NR3C2: variants seen among roughly 807,000 people sequenced by gnomAD.
NR3C2 encodes the protein mineralocorticoid receptor.
A neutral mutation model predicts 86.4 loss-of-function variants in NR3C2; 15 were observed. The ratio of observed to expected loss-of-function variants is 0.17; its 90% CI spans 0.12 to 0.27. The LOEUF (loss-of-function observed/expected upper bound fraction) is 0.27, where lower values mean the gene tolerates loss of function less well. Ranked by LOEUF, NR3C2 falls within the 10% of genes least tolerant of loss-of-function variation. NR3C2 has a pLI of 1.00. For missense variants in NR3C2, 960 were observed against 1,195.6 expected, an observed-to-expected ratio of 0.80 and a Z score of 2.91; for synonymous variants, 458 against 450.5, an observed-to-expected ratio of 1.02 and a Z score of -0.21.
At chr4:148,224,910 G>T (rs1230082772) in intron 3 of NR3C2, among the ~76,000 whole-genome samples, 1 of 152,176 alleles carries the variant, frequency 6.6e-6, no homozygotes, top group Non-Finnish European at 1.5e-5. Context: ...AACTCCTGGA[G>T]TTGGGATTTC....
intron 4 of NR3C2, among the ~76,000 whole-genome samples, chr4:148,165,416 C>G (rs986338019): frequency 5.3e-5 from 8 of 151,954 alleles, no homozygotes; most frequent in Non-Finnish European, 1.0e-4. Flanking sequence ...AATATATACA[C>G]CAGGAAAGAG....
chr4:148,281,961 C>A (rs1471246360), intron 2 of NR3C2, among the ~76,000 whole-genome samples: 1 of 152,088 alleles, frequency 6.6e-6, no homozygotes, highest in Admixed American at 6.6e-5. Flanking sequence ...TTGAAGTGGG[C>A]CTTGAAGCAT....
intron 2 of NR3C2, among the ~76,000 whole-genome samples, chr4:148,419,889 T>C (rs1049246373): frequency 1.3e-5 from 2 of 152,178 alleles, no homozygotes; most frequent in African/African-American, 4.8e-5. Flanking sequence ...AGAAAAGCAA[T>C]GTGACCAACC....
chr4:148,397,727 A>C (rs1747933878), intron 2 of NR3C2, among the ~76,000 whole-genome samples: 1 of 152,208 alleles, frequency 6.6e-6, no homozygotes, highest in Non-Finnish European at 1.5e-5. Context: ...ACTGAGAGTG[A>C]GCAGCTCATC....
At chr4:148,341,066 C>A (rs574377487) in intron 2 of NR3C2, among the ~76,000 whole-genome samples, 1 of 151,982 alleles carries the variant, frequency 6.6e-6, no homozygotes, top group African/African-American at 2.4e-5. Flanking sequence ...CATATGGAGA[C>A]TCCTCAAAAA....
intron 2 of NR3C2, among the ~76,000 whole-genome samples, chr4:148,263,191 A>G (rs1192464760): frequency 6.6e-6 from 1 of 152,168 alleles, no homozygotes; most frequent in Non-Finnish European, 1.5e-5. Context: ...AGCCAGCTCC[A>G]ACCTCTACCC....
At chr4:148,304,093 T>C (rs1742479591) in intron 2 of NR3C2, among the ~76,000 whole-genome samples, 1 of 152,056 alleles carries the variant, frequency 6.6e-6, no homozygotes, top group East Asian at 1.9e-4. Context: ...AGTCATTCAT[T>C]TTCAGTCTGT....
chr4:148,148,474 T>C (rs936494598), intron 6 of NR3C2, among the ~76,000 whole-genome samples: 1 of 152,172 alleles, frequency 6.6e-6, no homozygotes, highest in African/African-American at 2.4e-5. Flanking sequence ...TTCAATGGCT[T>C]TTCCACTGCT....
intron 8 of NR3C2, among the ~76,000 whole-genome samples, chr4:148,094,222 T>C (rs1204044043): frequency 3.3e-5 from 5 of 152,076 alleles, no homozygotes; most frequent in African/African-American, 1.2e-4. Context: ...CAGTGGAAAA[T>C]AACAAGTGTT....
At chr4:148,171,831 C>T (rs905962979) in intron 4 of NR3C2, among the ~76,000 whole-genome samples, 4 of 152,120 alleles carry the variant, frequency 2.6e-5, no homozygotes, top group African/African-American at 9.7e-5. Context: ...TGCTTATTTC[C>T]ACTCTACTCA....
chr4:148,263,261 A>G (rs933002013), intron 2 of NR3C2, among the ~76,000 whole-genome samples: 4 of 152,118 alleles, frequency 2.6e-5, no homozygotes, highest in African/African-American at 9.7e-5. Flanking sequence ...TCAAAACAAT[A>G]TTTACTTTCT....
At chr4:148,293,135 A>C (rs925772752) in intron 2 of NR3C2, among the ~76,000 whole-genome samples, 1 of 152,174 alleles carries the variant, frequency 6.6e-6, no homozygotes, top group African/African-American at 2.4e-5. Flanking sequence ...TTGGAATTAT[A>C]TAAGGAAAGT....
chr4:148,136,571 T>C (rs747969863), intron 6 of NR3C2, among the ~76,000 whole-genome samples: 6 of 152,164 alleles, frequency 3.9e-5, no homozygotes, highest in Non-Finnish European at 8.8e-5. Flanking sequence ...TCTAACCCTC[T>C]GGGAGGACAG....
At chr4:148,256,774 A>G (rs973318311) in intron 3 of NR3C2, among the ~76,000 whole-genome samples, 2 of 152,240 alleles carry the variant, frequency 1.3e-5, no homozygotes, top group Non-Finnish European at 2.9e-5. Flanking sequence ...GTAAGGTACA[A>G]TAATATGGCT....
intron 6 of NR3C2, among the ~76,000 whole-genome samples, chr4:148,134,635 CTCTCTCTCT>C (rs1330579214): frequency 4.4e-5 from 3 of 67,636 alleles, no homozygotes; most frequent in African/African-American, 1.4e-4. Flanking sequence ...TTCTCTCTCT[CTCTCTCTCT>C]TTTTTTTTTT....
At chr4:148,136,562 C>T (rs1392560262) in intron 6 of NR3C2, among the ~76,000 whole-genome samples, 2 of 152,202 alleles carry the variant, frequency 1.3e-5, no homozygotes, top group Non-Finnish European at 2.9e-5. Flanking sequence ...CCATCCAATT[C>T]TAACCCTCTG....
chr4:148,107,903 C>T (rs1028645424), intron 8 of NR3C2, among the ~76,000 whole-genome samples: 6 of 152,016 alleles, frequency 3.9e-5, no homozygotes, highest in African/African-American at 1.2e-4. Flanking sequence ...GCATGTGGGG[C>T]TTAAAACCTA....
intron 2 of NR3C2, among the ~76,000 whole-genome samples, chr4:148,336,090 G>A (rs1342948121): frequency 1.3e-5 from 2 of 152,162 alleles, no homozygotes; most frequent in Non-Finnish European, 2.9e-5. Flanking sequence ...GTCTCAGAGA[G>A]TCAGAGAGAG....
At chr4:148,348,511 C>T (rs1487257860) in intron 2 of NR3C2, among the ~76,000 whole-genome samples, 1 of 152,124 alleles carries the variant, frequency 6.6e-6, no homozygotes, top group Non-Finnish European at 1.5e-5. Flanking sequence ...CCTGCCCAAA[C>T]TCTTATTTTT....
Sources: gnomAD v4.1 joint callset for allele counts (sites outside exome capture counted in the v4.1 genomes callset) on GRCh38, gnomAD v4.1.1 for gene constraint, MANE v1.5 for transcripts, NCBI Gene and HGNC (gene_info 2026-07-23, HGNC 2026-07-21) for gene names.